The following ATP11B variants were observed in gnomAD, a reference collection of about 807,000 sequenced individuals.
The protein encoded by ATP11B is phospholipid-transporting ATPase IF.
A neutral mutation model predicts 157.8 loss-of-function variants in ATP11B; 81 were observed. That is an observed-to-expected ratio of 0.51 (90% CI 0.43 to 0.62). The LOEUF (loss-of-function observed/expected upper bound fraction) is 0.62. ATP11B is among the 20% of genes least tolerant of loss of function. ATP11B has a pLI of 0.00. For synonymous variants in ATP11B, 451 were observed against 469.4 expected (o/e 0.96, Z 0.51); for missense variants, 1,165 against 1,402.2 (o/e 0.83, Z 2.70).
intron 9 of ATP11B, among the ~76,000 whole-genome samples, chr3:182,848,252 G>A (rs1719692357): frequency 6.6e-6 from 1 of 152,148 alleles, no homozygotes; most frequent in Non-Finnish European, 1.5e-5. Flanking sequence ...TTACAACTCA[G>A]GAACAGGACT....
intron 10 of ATP11B, among the ~76,000 whole-genome samples, chr3:182,854,371 G>A (rs1173160664): frequency 6.6e-6 from 1 of 152,124 alleles, no homozygotes; most frequent in African/African-American, 2.4e-5. Context: ...TTGGGAGGCT[G>A]AGGCAGGAGA....
At chr3:182,868,952 G>T in intron 15 of ATP11B, 126 bp from the exon 16 acceptor site, 1 of 594,806 alleles carries the variant, frequency 1.7e-6, no homozygotes, top group Non-Finnish European at 2.9e-6. Flanking sequence ...CTATCATCAT[G>T]AAAATGGTAT....
chr3:182,849,908 A>G (rs1719836274), intron 10 of ATP11B, among the ~76,000 whole-genome samples: 1 of 152,190 alleles, frequency 6.6e-6, no homozygotes, highest in African/African-American at 2.4e-5. Context: ...AGCAAACTCT[A>G]AGCAGGAAAA....
At chr3:182,798,875 G>A (rs1428164507) in intron 1 of ATP11B, among the ~76,000 whole-genome samples, 1 of 152,172 alleles carries the variant, frequency 6.6e-6, no homozygotes, top group Non-Finnish European at 1.5e-5. Context: ...AAATATACAT[G>A]TATTTGGTTA....
intron 15 of ATP11B, 148 bp from the exon 16 acceptor site, chr3:182,868,930 A>G: frequency 1.8e-6 from 1 of 553,398 alleles, no homozygotes; most frequent in East Asian, 3.0e-5. Flanking sequence ...TTTGTTATTA[A>G]TGGCATGTAA....
At chr3:182,864,670 T>G (rs929501190) in intron 12 of ATP11B, among the ~76,000 whole-genome samples, 9 of 152,130 alleles carry the variant, frequency 5.9e-5, no homozygotes, top group African/African-American at 2.2e-4. Flanking sequence ...TGCATCTCTT[T>G]ATAAGGGATG....
intron 20 of ATP11B, among the ~76,000 whole-genome samples, chr3:182,879,921 G>C (rs1027791468): frequency 2.0e-5 from 3 of 152,146 alleles, no homozygotes; most frequent in Admixed American, 6.5e-5. Context: ...CTAATGTTTC[G>C]CAAGTTAGCT....
At chr3:182,844,430 A>C (rs747343648) in intron 8 of ATP11B, 53 of 340,028 alleles carry the variant, frequency 1.6e-4, no homozygotes, top group Admixed American at 7.1e-4. Context: ...AACTATAAGG[A>C]ATAGCAACAA....
intron 27 of ATP11B, 50 bp downstream of exon 27, chr3:182,897,456 A>G: frequency 2.5e-6 from 3 of 1,213,960 alleles, no homozygotes; most frequent in Middle Eastern, 2.2e-4. Flanking sequence ...TATAATAAAC[A>G]TTTATTGTGA....
intron 7 of ATP11B, among the ~76,000 whole-genome samples, chr3:182,839,865 A>G (rs1045507037): frequency 6.6e-6 from 1 of 152,126 alleles, no homozygotes; most frequent in Non-Finnish European, 1.5e-5. Flanking sequence ...CGCCCACTTC[A>G]GCCTCCCAAA....
intron 1 of ATP11B, among the ~76,000 whole-genome samples, chr3:182,809,320 C>T (rs1201014366): frequency 6.6e-6 from 1 of 152,066 alleles, no homozygotes. Flanking sequence ...GCCATCTCCG[C>T]CTACTGCAAC....
chr3:182,794,462 T>A (rs1329098649), intron 1 of ATP11B, among the ~76,000 whole-genome samples: 1 of 152,192 alleles, frequency 6.6e-6, no homozygotes, highest in Non-Finnish European at 1.5e-5. Flanking sequence ...CCTTCCTACC[T>A]CGTCCTCACC....
chr3:182,900,067 G>A (rs1423856422), intron 28 of ATP11B, among the ~76,000 whole-genome samples: 5 of 152,152 alleles, frequency 3.3e-5, no homozygotes, highest in African/African-American at 1.2e-4. Flanking sequence ...AACATTTGGT[G>A]ATGTAAGTTA....
intron 24 of ATP11B, among the ~76,000 whole-genome samples, chr3:182,888,336 T>C (rs1722937315): frequency 6.6e-6 from 1 of 152,182 alleles, no homozygotes; most frequent in African/African-American, 2.4e-5. Flanking sequence ...AAGATTGGCA[T>C]AGATTGTTCT....
chr3:182,854,522 TAGAA>T (rs1033115960), intron 10 of ATP11B, among the ~76,000 whole-genome samples: 6 of 152,136 alleles, frequency 3.9e-5, no homozygotes, highest in South Asian at 2.1e-4. Context: ...GAAGAAAACT[TAGAA>T]AGATATCTTT....
At chr3:182,839,155 A>C (rs943305632) in intron 7 of ATP11B, among the ~76,000 whole-genome samples, 1 of 152,232 alleles carries the variant, frequency 6.6e-6, no homozygotes, top group Non-Finnish European at 1.5e-5. Flanking sequence ...GCTGGAGGCC[A>C]TTATCCTTAA....
intron 12 of ATP11B, among the ~76,000 whole-genome samples, 171 bp from the exon 13 acceptor site, chr3:182,865,285 T>G (rs544593185): frequency 1.3e-5 from 2 of 152,346 alleles, no homozygotes; most frequent in East Asian, 3.9e-4. Flanking sequence ...TTTTCTTTCC[T>G]TGGCATCTAT....
intron 20 of ATP11B, among the ~76,000 whole-genome samples, 155 bp downstream of exon 20, chr3:182,879,804 A>G (rs541096716): frequency 6.6e-6 from 1 of 152,240 alleles, no homozygotes; most frequent in Non-Finnish European, 1.5e-5. Flanking sequence ...TTAATCATGT[A>G]CATCAGACTT....
rs188317255 is a variant in ATP11B at position 182,911,459 on chromosome 3, A to C, written c.3319-2402A>C. 2.0e-5 allele frequency among the ~76,000 whole-genome samples: 3 copies of C among 152,170 alleles called. No individual in the cohort carries two copies. The East Asian group carries it at 5.8e-4, about 29-fold the overall frequency. On this transcript the variant is annotated intron_variant, in intron 28 of 29. Coordinates refer to ENST00000323116, the MANE Select transcript of ATP11B (RefSeq NM_014616.3). The stretch of plus-strand genomic sequence containing the variant: ...TAAAGGGGTTTGGGCTCTGCAAGCA[A>C]AGAAACCAAGATTCAAGCCCCAGAT...
Sources: allele counts gnomAD v4.1 joint callset (sites outside exome capture counted in the v4.1 genomes callset), GRCh38; gene constraint gnomAD v4.1.1; transcripts MANE v1.5; gene names NCBI Gene and HGNC (gene_info 2026-07-23, HGNC 2026-07-21).